CNTN5: variants seen among roughly 807,000 people sequenced by gnomAD.
The protein encoded by CNTN5 is contactin 5.
CNTN5 carries 77 observed loss-of-function variants against 129.1 expected under a neutral mutation model. That is an observed-to-expected ratio of 0.60 (90% CI 0.50 to 0.72). CNTN5 has a LOEUF of 0.72. Among genes scored for constraint, CNTN5 ranks in the 30% least tolerant of loss-of-function variants. The pLI, the probability that CNTN5 is intolerant of heterozygous loss-of-function variation, is 0.00. For missense variants in CNTN5, 1,478 were observed against 1,328.8 expected (o/e 1.11, Z -1.75); for synonymous variants, 509 against 465.6 (o/e 1.09, Z -1.20).
chr11:99,402,573 G>A (rs1012019729), intron 2 of CNTN5, among the ~76,000 whole-genome samples: 24 of 152,110 alleles, frequency 1.6e-4, no homozygotes, highest in African/African-American at 5.3e-4. Flanking sequence ...ATGATATCAG[G>A]ATAATACTGA....
At chr11:99,573,524 C>G (rs1215687669) in intron 3 of CNTN5, among the ~76,000 whole-genome samples, 1 of 151,842 alleles carries the variant, frequency 6.6e-6, no homozygotes, top group African/African-American at 2.4e-5. Flanking sequence ...GAGCCCAGAT[C>G]ACGCCACTGC....
rs538099103 is a variant in CNTN5, at chr11:100,310,438, T to C, written c.2730+1970T>C. ...CCTGCAAAGATCACATGTGCACAATTCTTCTCTTCCTAAATATAAATCATT... is the reference window on the plus strand; with the variant it reads ...CCTGCAAAGATCACATGTGCACAATCCTTCTCTTCCTAAATATAAATCATT... On this transcript the variant is annotated intron_variant, in intron 21 of 24. Transcript: ENST00000524871. 2.0e-5 allele frequency among the ~76,000 whole-genome samples: 3 copies of C among 152,026 alleles called. No homozygotes were observed. In the East Asian group the frequency reaches 5.8e-4, roughly 30 times the overall value.
chr11:99,496,569 G>T (rs1234935747), intron 2 of CNTN5, among the ~76,000 whole-genome samples: 1 of 152,202 alleles, frequency 6.6e-6, no homozygotes, highest in African/African-American at 2.4e-5. Context: ...GGGAACATTT[G>T]TAAAGGCATA....
At chr11:99,118,374 TG>T in intron 1 of CNTN5, among the ~76,000 whole-genome samples, 1 of 152,270 alleles carries the variant, frequency 6.6e-6, no homozygotes, top group African/African-American at 2.4e-5. Context: ...GATATATATA[TG>T]GGTTGCTGTT....
chr11:100,141,862 AT>A, intron 13 of CNTN5, among the ~76,000 whole-genome samples: 1 of 152,084 alleles, frequency 6.6e-6, no homozygotes, highest in East Asian at 1.9e-4. Flanking sequence ...CCAGTAAAGC[AT>A]TATGTCTAGG....
chr11:100,308,108 C>T (rs1951395393), intron 20 of CNTN5, among the ~76,000 whole-genome samples: 2 of 151,772 alleles, frequency 1.3e-5, no homozygotes, highest in South Asian at 4.1e-4. Flanking sequence ...AATGTCTTAG[C>T]TAATCCAAGG....
chr11:99,684,958 CTTATTTT>C (rs1953724439), intron 3 of CNTN5, among the ~76,000 whole-genome samples: 1 of 150,728 alleles, frequency 6.6e-6, no homozygotes, highest in Non-Finnish European at 1.5e-5. Context: ...AATGTCTGCT[CTTATTTT>C]TTATTTTTTA....
intron 3 of CNTN5, among the ~76,000 whole-genome samples, chr11:99,793,535 TA>T (rs1357196058): frequency 2.0e-5 from 3 of 152,336 alleles, no homozygotes; most frequent in Admixed American, 2.0e-4. Flanking sequence ...GAGATCTTGC[TA>T]AATTTTTCAG....
At chr11:99,804,763 TAGAA>T (rs1395816695) in intron 3 of CNTN5, among the ~76,000 whole-genome samples, 1 of 151,008 alleles carries the variant, frequency 6.6e-6, no homozygotes, top group Non-Finnish European at 1.5e-5. Flanking sequence ...TGTTTATAGA[TAGAA>T]GTACATCTTA....
chr11:99,431,300 C>G (rs1943359690), intron 2 of CNTN5, among the ~76,000 whole-genome samples: 1 of 152,018 alleles, frequency 6.6e-6, no homozygotes, highest in South Asian at 2.1e-4. Context: ...AAACGGGGCC[C>G]AGACTGAAGA....
chr11:100,355,480 A>C (rs1952501580), intron 24 of CNTN5, among the ~76,000 whole-genome samples: 1 of 151,844 alleles, frequency 6.6e-6, no homozygotes, highest in Non-Finnish European at 1.5e-5. Context: ...TACTAAAAGA[A>C]TAGTAAATAC....
At chr11:99,530,555 A>AATAATTACACAG (rs1947660814) in intron 2 of CNTN5, among the ~76,000 whole-genome samples, 1 of 152,310 alleles carries the variant, frequency 6.6e-6, no homozygotes, top group African/African-American at 2.4e-5. Context: ...GCATTAAAGG[A>AATAATTACACAG]ATAATTACAC....
At chr11:100,274,393 GCTT>G (rs760742414) in intron 18 of CNTN5, among the ~76,000 whole-genome samples, 1 of 152,128 alleles carries the variant, frequency 6.6e-6, no homozygotes, top group African/African-American at 2.4e-5. Flanking sequence ...AAACTTAAGA[GCTT>G]CTGCACAGTG....
In CNTN5 at chr11:100,061,246, G is replaced by C. The variant is rs200767659; in HGVS notation, c.1015G>C (p.Gly339Arg). The C allele has an allele frequency of 2.5e-6, 4 of 1,613,034 alleles. No homozygotes were observed. Among genetic ancestry groups the C allele is most frequent in the Non-Finnish European group, 3.4e-6 (4 of 1,179,272 alleles). Residue 339 changes from glycine (G) to arginine (R), a missense_variant, in exon 10 of 25, where the codon GGT (glycine) becomes CGT (arginine). Transcript: ENST00000524871. ...AACAATCACATGGATGAAGGTTAAT[G>C]GTTATATTCCTAGTAAGGCACGTCT... Reference protein sequence around the residue: ...VPTITWMKVNGYIPSKARLRK... With the variant: ...VPTITWMKVNRYIPSKARLRK...
intron 3 of CNTN5, among the ~76,000 whole-genome samples, chr11:99,721,953 C>T (rs932152443): frequency 1.3e-5 from 2 of 152,070 alleles, no homozygotes; most frequent in Admixed American, 6.6e-5. Context: ...TCGCACCTGT[C>T]AGAATGGCTA....
chr11:100,001,462 C>T (rs1591551268), intron 8 of CNTN5, among the ~76,000 whole-genome samples: 1 of 152,298 alleles, frequency 6.6e-6, no homozygotes, highest in African/African-American at 2.4e-5. Context: ...CTTAATACCT[C>T]ATTCATGGCA....
At chr11:99,945,698 G>C (rs1360420551) in intron 7 of CNTN5, among the ~76,000 whole-genome samples, 1 of 151,924 alleles carries the variant, frequency 6.6e-6, no homozygotes, top group East Asian at 1.9e-4. Context: ...AGACTGCAAA[G>C]CTGCTAGGTG....
intron 9 of CNTN5, among the ~76,000 whole-genome samples, chr11:100,037,150 C>A (rs1942064706): frequency 7.1e-6 from 1 of 141,512 alleles, no homozygotes; most frequent in African/African-American, 2.8e-5. Flanking sequence ...TCCATCAATA[C>A]CTAATTTATT....
At chr11:99,992,932 G>A (rs921832896) in intron 8 of CNTN5, among the ~76,000 whole-genome samples, 4 of 152,220 alleles carry the variant, frequency 2.6e-5, no homozygotes, top group Non-Finnish European at 2.9e-5. Context: ...GGAAAGAAAC[G>A]GAGACACACA....
Sources: allele counts gnomAD v4.1 joint callset (sites outside exome capture counted in the v4.1 genomes callset), GRCh38; gene constraint gnomAD v4.1.1; transcripts MANE v1.5; gene names NCBI Gene and HGNC (gene_info 2026-07-23, HGNC 2026-07-21).